Variants in BMERB1 observed in about 807,000 individuals in gnomAD.
The protein encoded by BMERB1 is bMERB domain-containing protein 1.
In BMERB1, 12 loss-of-function variants were observed where a neutral mutation model predicts 23.6. The observed-to-expected ratio is 0.51, with a 90% CI of 0.33 to 0.82. The LOEUF is 0.82. BMERB1 is among the 40% of genes least tolerant of loss of function. BMERB1 has a pLI of 0.03. For missense variants in BMERB1, 247 were observed against 255.4 expected (o/e 0.97, Z 0.22); for synonymous variants, 122 against 96.6 (o/e 1.26, Z -1.54).
At chr16:15,479,741 A>G (rs1195511313) in intron 1 of BMERB1, among the ~76,000 whole-genome samples, 1 of 152,076 alleles carries the variant, frequency 6.6e-6, no homozygotes, top group East Asian at 1.9e-4. Context: ...ATTAAATAAC[A>G]TGTTACCTAT....
intron 2 of BMERB1, among the ~76,000 whole-genome samples, chr16:15,542,694 T>C (rs1331154842): frequency 4.1e-5 from 6 of 145,710 alleles, no homozygotes; most frequent in Admixed American, 1.4e-4. Flanking sequence ...AAAAAAGATA[T>C]TACAATACCT....
chr16:15,480,001 T>TATATATATATA (rs955876152), intron 1 of BMERB1, among the ~76,000 whole-genome samples: 1 of 147,244 alleles, frequency 6.8e-6, no homozygotes, highest in Non-Finnish European at 1.5e-5. Context: ...ATAGTTTTCA[T>TATATATATATA]ATATATATAT....
intron 2 of BMERB1, among the ~76,000 whole-genome samples, chr16:15,516,752 T>G (rs1034528128): frequency 6.6e-6 from 1 of 152,174 alleles, no homozygotes; most frequent in Non-Finnish European, 1.5e-5. Flanking sequence ...CTTGAAGAAA[T>G]GAAACAGCCT....
At position 15,587,361 on chromosome 16, in the gene BMERB1, C is replaced by T; in HGVS notation, c.*532C>T. The T allele has an allele frequency of 2.0e-5, 5 of 247,668 alleles. No individual in the cohort carries two copies. The highest frequency in any genetic ancestry group is 1.8e-4 in the South Asian group (5 of 28,156). The allele number at this position is 247,668 out of a possible 1,614,324, so 15.3% of individuals were successfully genotyped here. ...CATGGCCCCCGTGTCTCTCGGGCAC[C>T]ACCCATATAGCAGTCCCAGAGGGCC... On this transcript the variant is annotated 3_prime_UTR_variant, in exon 6 of 6. Coordinates refer to ENST00000300006, the MANE Select transcript of BMERB1 (RefSeq NM_033201.3).
chr16:15,441,847 T>G (rs1438423740), intron 1 of BMERB1, among the ~76,000 whole-genome samples: 1 of 152,128 alleles, frequency 6.6e-6, no homozygotes, highest in Non-Finnish European at 1.5e-5. Context: ...AAGGGTCATG[T>G]TGGGTACTAG....
intron 3 of BMERB1, among the ~76,000 whole-genome samples, chr16:15,576,865 T>C (rs1334251043): frequency 6.6e-6 from 1 of 152,026 alleles, no homozygotes; most frequent in Non-Finnish European, 1.5e-5. Flanking sequence ...GGAGGTTTAA[T>C]AGGCAAAAGA....
intron 1 of BMERB1, among the ~76,000 whole-genome samples, chr16:15,493,357 A>G (rs1047050618): frequency 6.6e-6 from 1 of 152,232 alleles, no homozygotes; most frequent in Non-Finnish European, 1.5e-5. Context: ...CTAAGAAGAC[A>G]CAAGGACTGA....
intron 2 of BMERB1, among the ~76,000 whole-genome samples, chr16:15,555,907 C>T (rs368889692): frequency 2.0e-5 from 3 of 152,174 alleles, no homozygotes; most frequent in Admixed American, 6.5e-5. Flanking sequence ...TGGCCAGGCG[C>T]GGTGGCTCAT....
chr16:15,480,901 T>C (rs148230830), intron 1 of BMERB1, among the ~76,000 whole-genome samples: 2,188 of 152,194 alleles, frequency 0.014, 56 homozygotes, highest in African/African-American at 0.051. Flanking sequence ...CATGAGCCAC[T>C]GTGCCCGGCC....
At position 15,548,626 on chromosome 16, in the gene BMERB1, A is replaced by G. The variant is rs541641242; in HGVS notation, c.231-19357A>G. Reference sequence around the variant, plus strand: ...TTAAACATTCCCCAGCACATCACTCATTCTAGTCCTAGCCTGCCCTACTTT... The same window carrying G: ...TTAAACATTCCCCAGCACATCACTCGTTCTAGTCCTAGCCTGCCCTACTTT... On this transcript the variant is annotated intron_variant, in intron 2 of 5. Transcript: ENST00000300006. 2.7e-3 allele frequency among the ~76,000 whole-genome samples: 418 copies of G among 152,252 alleles called. 2 individuals are homozygous for G. Among genetic ancestry groups the G allele is most frequent in the South Asian group, 9.3e-3 (45 of 4,828 alleles).
Position 15,586,763 on chromosome 16 carries a change from G to A in BMERB1, c.549G>A (p.Thr183=), listed in dbSNP as rs150243763. 1.2e-4 allele frequency: 199 copies of A among 1,612,666 alleles called. 1 individual carries two copies. Among genetic ancestry groups the A allele is most frequent in the African/African-American group, 3.1e-4 (23 of 75,026 alleles). ...CAGAGCCCCCACCTAGCAAGCCCAC[G>A]GTGGCCAAGACGGGGCTGGCACTGA... ...KKAEPPPSKP[T]VAKTGLALIK... is the part of the protein sequence containing the mutation. Residue 183 remains threonine, a synonymous_variant, in exon 6 of 6, where the codon ACG becomes ACA. Coordinates refer to ENST00000300006, the MANE Select transcript of BMERB1 (RefSeq NM_033201.3).
chr16:15,454,806 A>G (rs1054302382), intron 1 of BMERB1, among the ~76,000 whole-genome samples: 4 of 140,384 alleles, frequency 2.8e-5, no homozygotes, highest in Non-Finnish European at 6.3e-5. Flanking sequence ...AAAAAAAAAG[A>G]TTGCTGTTCT....
At chr16:15,447,243 C>T (rs754747529) in intron 1 of BMERB1, among the ~76,000 whole-genome samples, 3 of 152,052 alleles carry the variant, frequency 2.0e-5, no homozygotes, top group Non-Finnish European at 4.4e-5. Context: ...TCCACCTGGC[C>T]GAAGAGTCCT....
chr16:15,477,148 G>A (rs2051281363), intron 1 of BMERB1, among the ~76,000 whole-genome samples: 1 of 152,136 alleles, frequency 6.6e-6, no homozygotes, highest in Non-Finnish European at 1.5e-5. Flanking sequence ...AAGAGGTTCA[G>A]TTGACTCACC....
intron 1 of BMERB1, among the ~76,000 whole-genome samples, chr16:15,493,390 G>A (rs2051441235): frequency 6.6e-6 from 1 of 152,150 alleles, no homozygotes; most frequent in South Asian, 2.1e-4. Flanking sequence ...GTCCTCGATG[G>A]GATCCTGGAA....
chr16:15,451,989 C>CA (rs1465084443), intron 1 of BMERB1, among the ~76,000 whole-genome samples: 1 of 151,110 alleles, frequency 6.6e-6, no homozygotes, highest in African/African-American at 2.4e-5. Flanking sequence ...GAATTTAAAA[C>CA]AAAAAATAGC....
intron 2 of BMERB1, among the ~76,000 whole-genome samples, chr16:15,548,037 C>T (rs1161927948): frequency 2.0e-5 from 3 of 152,062 alleles, no homozygotes; most frequent in South Asian, 2.1e-4. Context: ...CGGGCTGGAG[C>T]GCAGTGGCAT....
chr16:15,504,750 G>C (rs1000036730), intron 1 of BMERB1, among the ~76,000 whole-genome samples: 1 of 150,804 alleles, frequency 6.6e-6, no homozygotes, highest in Admixed American at 6.6e-5. Flanking sequence ...ACCACATCCA[G>C]CCACATTTTC....
intron 1 of BMERB1, among the ~76,000 whole-genome samples, chr16:15,493,935 C>T (rs1479301443): frequency 6.6e-6 from 1 of 152,188 alleles, no homozygotes; most frequent in African/African-American, 2.4e-5. Flanking sequence ...CCCCGCCAAG[C>T]ACATGGTTTT....
Sources: allele counts gnomAD v4.1 joint callset (sites outside exome capture counted in the v4.1 genomes callset), GRCh38; gene constraint gnomAD v4.1.1; transcripts MANE v1.5; gene names NCBI Gene and HGNC (gene_info 2026-07-23, HGNC 2026-07-21).